Variants in RYR2 observed in about 807,000 individuals in gnomAD.
RYR2 encodes cardiac muscle ryanodine receptor-calcium release channel.
Under a neutral mutation model 601.1 loss-of-function variants are expected in RYR2, and 227 were observed. The ratio of observed to expected loss-of-function variants is 0.38; its 90% CI spans 0.34 to 0.42. The LOEUF (loss-of-function observed/expected upper bound fraction) is 0.42, where lower values mean the gene tolerates loss of function less well. RYR2 is among the 10% of genes least tolerant of loss of function. RYR2 has a pLI of 1.00. For synonymous variants in RYR2, 2,223 were observed against 2,175.1 expected (o/e 1.02, Z -0.61); for missense variants, 4,646 against 6,156.5 (o/e 0.75, Z 8.21).
At chr1:237,271,994 G>C (rs1689733462) in intron 2 of RYR2, among the ~76,000 whole-genome samples, 1 of 152,212 alleles carries the variant, frequency 6.6e-6, no homozygotes, top group Non-Finnish European at 1.5e-5. Flanking sequence ...GCTGGGTGTG[G>C]TAATGCACAC....
intron 1 of RYR2, among the ~76,000 whole-genome samples, chr1:237,164,050 C>A (rs1054853643): frequency 2.6e-5 from 4 of 152,194 alleles, no homozygotes; most frequent in African/African-American, 9.6e-5. Flanking sequence ...CTTTGGGAGG[C>A]TGAGGCAGGT....
At chr1:237,044,868 A>T (rs1313352535) in intron 1 of RYR2, among the ~76,000 whole-genome samples, 4 of 149,944 alleles carry the variant, frequency 2.7e-5, no homozygotes, top group Non-Finnish European at 5.9e-5. Context: ...TATAGTTCCC[A>T]CATTGAAGTC....
chr1:237,331,796 G>A (rs895289910), intron 3 of RYR2, among the ~76,000 whole-genome samples: 11 of 151,910 alleles, frequency 7.2e-5, no homozygotes, highest in African/African-American at 2.4e-4. Context: ...TTACAGGCGT[G>A]AGCCACCGCG....
chr1:237,050,829 T>C (rs1024448578), intron 1 of RYR2, among the ~76,000 whole-genome samples: 2 of 152,242 alleles, frequency 1.3e-5, no homozygotes, highest in Non-Finnish European at 2.9e-5. Flanking sequence ...CCACTAGAAG[T>C]TGTATTCTCT....
intron 1 of RYR2, among the ~76,000 whole-genome samples, chr1:237,087,215 T>C (rs554476385): frequency 2.6e-5 from 4 of 152,302 alleles, no homozygotes; most frequent in African/African-American, 9.6e-5. Context: ...TGAACCAGCA[T>C]CTGGGCCAGG....
At chr1:237,517,435 G>A (rs1052192381) in intron 24 of RYR2, among the ~76,000 whole-genome samples, 2 of 152,102 alleles carry the variant, frequency 1.3e-5, no homozygotes, top group African/African-American at 4.8e-5. Flanking sequence ...GGGCCACATT[G>A]GAAGAATTAT....
intron 1 of RYR2, among the ~76,000 whole-genome samples, chr1:237,160,676 T>C (rs1232927515): frequency 6.6e-6 from 1 of 152,092 alleles, no homozygotes; most frequent in Non-Finnish European, 1.5e-5. Flanking sequence ...TTGATCTTTA[T>C]AGTTCTTTTC....
At chr1:237,274,300 AT>A (rs1483939423) in intron 2 of RYR2, among the ~76,000 whole-genome samples, 1 of 151,524 alleles carries the variant, frequency 6.6e-6, no homozygotes, top group Non-Finnish European at 1.5e-5. Flanking sequence ...TAAGATCATA[AT>A]GGAGCTGAAA....
chr1:237,799,669 G>A (rs2149410238), intron 97 of RYR2, among the ~76,000 whole-genome samples: 1 of 152,294 alleles, frequency 6.6e-6, no homozygotes, highest in Middle Eastern at 3.4e-3. Flanking sequence ...AAAGCATTTA[G>A]GAAGGTCAGG....
chr1:237,766,713 A>G (rs1693874607), intron 84 of RYR2, among the ~76,000 whole-genome samples: 1 of 152,200 alleles, frequency 6.6e-6, no homozygotes, highest in Admixed American at 6.5e-5. Context: ...AACAAGATGC[A>G]ATCACATTTG....
chr1:237,530,540 A>C, intron 25 of RYR2, 30 bp downstream of exon 25: 1 of 1,487,278 alleles, frequency 6.7e-7, no homozygotes. Flanking sequence ...AATATTAAAT[A>C]ATCTGTGTAG....
intron 1 of RYR2, among the ~76,000 whole-genome samples, chr1:237,253,175 A>C (rs1222712992): frequency 1.3e-5 from 2 of 150,698 alleles, no homozygotes; most frequent in South Asian, 2.1e-4. Context: ...AAAAAAAAAA[A>C]AAAAAACAAC....
At chr1:237,678,483 A>G (rs1292437934) in intron 61 of RYR2, among the ~76,000 whole-genome samples, 1 of 152,226 alleles carries the variant, frequency 6.6e-6, no homozygotes, top group Non-Finnish European at 1.5e-5. Context: ...GTCTGAGTTA[A>G]TTCATAAATA....
Position 237,272,234 on chromosome 1 carries a change from A to T in RYR2, c.168+1618A>T, listed in dbSNP as rs182985115. On this transcript the variant is annotated intron_variant, in intron 2 of 104. Transcript: ENST00000366574. Reference sequence around the variant, plus strand: ...TTGGCCCTATGGACTTTTATAGCTAACTATGTAAAACTCCCTTACAGGTCA... The same window carrying T: ...TTGGCCCTATGGACTTTTATAGCTATCTATGTAAAACTCCCTTACAGGTCA... Among the ~76,000 whole-genome samples the T allele has an allele frequency of 2.9e-3, 437 of 152,262 alleles. 3 individuals are homozygous for T. The highest frequency in any genetic ancestry group is 1.0e-2 in the African/African-American group (414 of 41,560).
At chr1:237,293,659 T>G (rs571045166) in intron 2 of RYR2, among the ~76,000 whole-genome samples, 42 of 152,268 alleles carry the variant, frequency 2.8e-4, no homozygotes, top group South Asian at 4.1e-4. Flanking sequence ...ACCTATTTAT[T>G]ATAAAGGATA....
chr1:237,515,992 T>C (rs1203027423), intron 24 of RYR2, among the ~76,000 whole-genome samples: 2 of 149,766 alleles, frequency 1.3e-5, no homozygotes, highest in East Asian at 4.0e-4. Flanking sequence ...CTCCCTCTTC[T>C]TTTTTCTCTT....
chr1:237,679,837 G>A (rs1284952799), intron 61 of RYR2, among the ~76,000 whole-genome samples: 1 of 152,198 alleles, frequency 6.6e-6, no homozygotes, highest in Non-Finnish European at 1.5e-5. Context: ...TATGGGAAGA[G>A]CACGCCAGAC....
intron 1 of RYR2, among the ~76,000 whole-genome samples, chr1:237,115,475 G>T (rs527935908): frequency 2.0e-5 from 3 of 152,196 alleles, no homozygotes; most frequent in Non-Finnish European, 2.9e-5. Context: ...TAATCAAGGC[G>T]GTTGCAAAGG....
intron 62 of RYR2, among the ~76,000 whole-genome samples, chr1:237,684,773 A>T (rs1408157774): frequency 6.7e-6 from 1 of 150,328 alleles, no homozygotes. Flanking sequence ...ATCTGAACAC[A>T]TATATATATA....
Sources: allele counts gnomAD v4.1 joint callset (sites outside exome capture counted in the v4.1 genomes callset), GRCh38; gene constraint gnomAD v4.1.1; transcripts MANE v1.5; gene names NCBI Gene and HGNC (gene_info 2026-07-23, HGNC 2026-07-21).